The following BCL2L1 variants were observed in gnomAD, a reference collection of about 807,000 sequenced individuals.
BCL2L1 encodes bcl-2-like protein 1.
In BCL2L1, 1 loss-of-function variant was observed where a neutral mutation model predicts 18.7. That is an observed-to-expected ratio of 0.05 (90% CI 0.02 to 0.25). The LOEUF is 0.25. Ranked by LOEUF, BCL2L1 falls within the 10% of genes least tolerant of loss-of-function variation. The pLI, the probability that BCL2L1 is intolerant of heterozygous loss-of-function variation, is 1.00. For missense variants in BCL2L1, 207 were observed against 304.9 expected (o/e 0.68, Z 2.39); for synonymous variants, 103 against 122.7 (o/e 0.84, Z 1.06).
At chr20:31,675,191 C>T (rs1166233729) in intron 2 of BCL2L1, among the ~76,000 whole-genome samples, 1 of 152,178 alleles carries the variant, frequency 6.6e-6, no homozygotes, top group Non-Finnish European at 1.5e-5. Context: ...TTGCTTCCTT[C>T]CTGCTTGGTT....
chr20:31,717,516 T>C (rs552546614), intron 2 of BCL2L1, among the ~76,000 whole-genome samples: 4 of 152,304 alleles, frequency 2.6e-5, no homozygotes, highest in African/African-American at 7.2e-5. Flanking sequence ...CAACCTCAAA[T>C]GTACACTCAG....
intron 2 of BCL2L1, among the ~76,000 whole-genome samples, chr20:31,668,176 G>A (rs1036559266): frequency 7.9e-5 from 12 of 151,902 alleles, no homozygotes; most frequent in East Asian, 3.9e-4. Context: ...CCAGGTCGTC[G>A]CCTGCCTCAC....
chr20:31,667,021 C>G (rs2060598408), intron 2 of BCL2L1, among the ~76,000 whole-genome samples: 1 of 152,216 alleles, frequency 6.6e-6, no homozygotes, highest in African/African-American at 2.4e-5. Flanking sequence ...CCCAACAATT[C>G]TGCAATGCAG....
intron 2 of BCL2L1, among the ~76,000 whole-genome samples, chr20:31,669,232 A>C (rs2060630762): frequency 6.6e-6 from 1 of 150,758 alleles, no homozygotes; most frequent in Non-Finnish European, 1.5e-5. Context: ...TAATATTTCT[A>C]AATTTTTTGT....
chr20:31,699,444 A>G (rs181659075), intron 2 of BCL2L1, among the ~76,000 whole-genome samples: 1 of 152,356 alleles, frequency 6.6e-6, no homozygotes, highest in African/African-American at 2.4e-5. Flanking sequence ...CTAAGTCCGA[A>G]CATGCCTCTG....
At chr20:31,701,705 A>T (rs944446602) in intron 2 of BCL2L1, among the ~76,000 whole-genome samples, 16 of 152,370 alleles carry the variant, frequency 1.1e-4, no homozygotes, top group African/African-American at 3.4e-4. Context: ...AAGTGGCAAA[A>T]ATAATGCATG....
rs757800093 is a variant in BCL2L1 at position 31,665,941 on chromosome 20, G to A, written c.*8C>T. On this transcript the variant is annotated 3_prime_UTR_variant, in exon 3 of 3. Coordinates refer to ENST00000307677, the MANE Select transcript of BCL2L1 (RefSeq NM_138578.3). ...GGTGGGAGGGTAGAGTGGATGGTCA[G>A]TGTCTGGTCATTTCCGACTGAAGAG... 3.1e-5 allele frequency: 50 copies of A among 1,613,106 alleles called. No individual in the cohort carries two copies. The highest frequency in any genetic ancestry group is 4.2e-5 in the Non-Finnish European group (50 of 1,179,922).
At chr20:31,701,329 G>A (rs1385608905) in intron 2 of BCL2L1, among the ~76,000 whole-genome samples, 1 of 152,174 alleles carries the variant, frequency 6.6e-6, no homozygotes, top group Non-Finnish European at 1.5e-5. Context: ...TGGGATTACA[G>A]GCGTGAGCCA....
intron 2 of BCL2L1, chr20:31,686,452 C>T (rs924498953): frequency 9.2e-5 from 14 of 152,200 alleles, no homozygotes; most frequent in African/African-American, 3.1e-4. Flanking sequence ...TGTGTGAACA[C>T]AAGGAAGCAC....
intron 2 of BCL2L1, among the ~76,000 whole-genome samples, chr20:31,673,158 G>A (rs2060699903): frequency 6.8e-6 from 1 of 147,840 alleles, no homozygotes; most frequent in Non-Finnish European, 1.5e-5. Context: ...TGCAACCTCA[G>A]CCTCCCAGGT....
chr20:31,702,861 G>A (rs953204434), intron 2 of BCL2L1, among the ~76,000 whole-genome samples: 2 of 148,628 alleles, frequency 1.3e-5, no homozygotes, highest in Non-Finnish European at 3.0e-5. Context: ...CAGGAGAACC[G>A]CTTGAACCCG....
intron 2 of BCL2L1, among the ~76,000 whole-genome samples, chr20:31,669,379 T>C (rs1269746618): frequency 1.3e-5 from 2 of 151,074 alleles, no homozygotes; most frequent in Non-Finnish European, 2.9e-5. Context: ...ACCACATTTT[T>C]CCCCCATTAA....
At chr20:31,690,382 C>T (rs2061042530) in intron 2 of BCL2L1, among the ~76,000 whole-genome samples, 3 of 152,054 alleles carry the variant, frequency 2.0e-5, no homozygotes, top group Admixed American at 2.0e-4. Context: ...TGAGTCACTG[C>T]ACCTGGCCAA....
intron 2 of BCL2L1, among the ~76,000 whole-genome samples, chr20:31,678,170 C>G (rs1327310181): frequency 2.6e-5 from 4 of 152,192 alleles, no homozygotes. Context: ...ACTAGGACTT[C>G]TTTCTGAGGT....
chr20:31,718,769 C>G (rs2061578331), intron 2 of BCL2L1, among the ~76,000 whole-genome samples: 1 of 152,172 alleles, frequency 6.6e-6, no homozygotes, highest in South Asian at 2.1e-4. Context: ...CTGAGGCTAC[C>G]AACACGCCTC....
intron 2 of BCL2L1, among the ~76,000 whole-genome samples, chr20:31,681,214 G>A (rs1451574882): frequency 1.3e-5 from 2 of 152,228 alleles, no homozygotes; most frequent in Non-Finnish European, 2.9e-5. Context: ...ACCTGACCTT[G>A]GTGTTAAATA....
At chr20:31,682,047 G>A (rs936517806) in intron 2 of BCL2L1, among the ~76,000 whole-genome samples, 21 of 152,248 alleles carry the variant, frequency 1.4e-4, no homozygotes, top group Admixed American at 3.3e-4. Flanking sequence ...GCGGGGGTCA[G>A]GGTAGCTTGC....
At chr20:31,673,764 T>G (rs112042562) in intron 2 of BCL2L1, among the ~76,000 whole-genome samples, 1 of 152,378 alleles carries the variant, frequency 6.6e-6, no homozygotes, top group South Asian at 2.1e-4. Context: ...AAGCAGTCTA[T>G]GCACACTAGG....
In BCL2L1 at chr20:31,721,690, G is replaced by A; in HGVS notation, c.529C>T (p.His177Tyr). ...TTCTCCTGGATCCAAGGCTCTAGGT[G>A]GTCATTCAGGTAAGTGGCCATCCAA... ...AAWMATYLND[H>Y]LEPWIQENGG... The change falls in exon 2 of 3, where the codon CAC becomes TAC. Residue 177 changes from histidine to tyrosine, a missense_variant. Coordinates refer to ENST00000307677, the MANE Select transcript of BCL2L1 (RefSeq NM_138578.3). The A allele has an allele frequency of 1.2e-6, 2 of 1,613,586 alleles. No individual in the cohort carries two copies. Among genetic ancestry groups the A allele is most frequent in the East Asian group, 2.2e-5 (1 of 44,864 alleles).
Sources: gnomAD v4.1 joint callset for allele counts (sites outside exome capture counted in the v4.1 genomes callset) on GRCh38, gnomAD v4.1.1 for gene constraint, MANE v1.5 for transcripts, NCBI Gene and HGNC (gene_info 2026-07-23, HGNC 2026-07-21) for gene names.